Variants in CCT5 observed in about 807,000 individuals in gnomAD.
CCT5 encodes the protein T-complex protein 1 subunit epsilon.
CCT5 carries 6 observed loss-of-function variants against 55.0 expected under a neutral mutation model. The ratio of observed to expected loss-of-function variants is 0.11; its 90% CI spans 0.06 to 0.22. The LOEUF (loss-of-function observed/expected upper bound fraction) is 0.22. Among genes scored for constraint, CCT5 ranks in the 10% least tolerant of loss-of-function variants. The probability of loss-of-function intolerance (pLI) is 1.00; values close to 1 mark genes in which losing one functional copy is unlikely to be tolerated. For missense variants in CCT5, 560 were observed against 694.6 expected (o/e 0.81, Z 2.18); for synonymous variants, 231 against 243.7 (o/e 0.95, Z 0.49).
rs369443376 is a variant in CCT5, at chr5:10,264,516, T to C, written c.1499-140T>C. ...CATTCATCTGAAAATGAAATATAACTGAAATTAGTGGCTTCCTGCTTGGCT... is the reference window on the plus strand; with the variant it reads ...CATTCATCTGAAAATGAAATATAACCGAAATTAGTGGCTTCCTGCTTGGCT... On this transcript the variant is annotated intron_variant, in intron 10 of 10. Transcript: ENST00000280326. The C allele has an allele frequency of 3.3e-4, 230 of 700,220 alleles. 2 individuals carry two copies. The South Asian group carries it at 3.5e-3, about 11-fold the overall frequency. The allele number at this position is 700,220 out of a possible 1,614,324, so 43.4% of individuals were successfully genotyped here.
chr5:10,254,098 T>C (rs2126498535), intron 1 of CCT5, 47 bp from the exon 2 acceptor site: 6 of 1,283,968 alleles, frequency 4.7e-6, no homozygotes, highest in Non-Finnish European at 6.8e-6. Flanking sequence ...CTTTTAACCA[T>C]TGAAATTATA....
At chr5:10,250,794 C>T (rs1488995997) in intron 1 of CCT5, 1 of 1,165,348 alleles carries the variant, frequency 8.6e-7, no homozygotes, top group African/African-American at 1.6e-5. Context: ...TGGGAGGGCG[C>T]CGGGGAGATG....
intron 9 of CCT5, 114 bp from the exon 10 acceptor site, chr5:10,263,007 GACAGCCTGTTCTT>G: frequency 1.3e-6 from 1 of 788,490 alleles, no homozygotes; most frequent in Non-Finnish European, 2.2e-6. Context: ...CAAAAATAAA[GACAGCCTGTTCTT>G]ACAATTCTTT....
intron 1 of CCT5, among the ~76,000 whole-genome samples, chr5:10,253,452 A>G (rs188874677): frequency 9.3e-4 from 141 of 152,182 alleles, no homozygotes; most frequent in Non-Finnish European, 1.6e-3. Context: ...GGGTCTCGCC[A>G]TGTTTCCCAG....
In CCT5 at chr5:10,263,339, T is replaced by TGG. The variant is rs141955965; in HGVS notation, c.1498+26_1498+27dup. 7 of 420,284 alleles carry TGG rather than the reference T, an allele frequency of 1.7e-5. No individual in the cohort carries two copies. In the African/African-American group the frequency reaches 2.2e-4, roughly 13 times the overall value. 26.0% of individuals were successfully genotyped at this position (420,284 alleles called of 1,614,324 possible). A position where few individuals can be genotyped will look rare whatever the true frequency, so the allele number is the denominator to read the frequency against. The stretch of plus-strand genomic sequence containing the variant: ...GGTGAGGAGCTGTCACGCCTCTGCG[T>TGG]GGAGGGGGGGGGATGTCTGATTTAA... On this transcript the variant is annotated intron_variant, in intron 10 of 10. Transcript: ENST00000280326.
intron 7 of CCT5, chr5:10,261,186 A>G (rs1745941576): frequency 3.9e-6 from 2 of 511,316 alleles, no homozygotes; most frequent in South Asian, 2.0e-5. Context: ...ACCTGGTCTC[A>G]TCCAAATACT....
intron 7 of CCT5, 133 bp from the exon 8 acceptor site, chr5:10,261,427 T>C (rs1175890551): frequency 1.3e-5 from 11 of 815,880 alleles, no homozygotes; most frequent in Admixed American, 9.5e-5. Flanking sequence ...ACTGGAGATG[T>C]CTCGGTCAAA....
At chr5:10,264,045 G>A (rs1400341653) in intron 10 of CCT5, among the ~76,000 whole-genome samples, 5 of 152,182 alleles carry the variant, frequency 3.3e-5, no homozygotes, top group African/African-American at 4.8e-5. Flanking sequence ...GGCCAAGCCG[G>A]GTGGATCACC....
chr5:10,252,824 G>C (rs963958338), intron 1 of CCT5, among the ~76,000 whole-genome samples: 1 of 152,006 alleles, frequency 6.6e-6, no homozygotes, highest in African/African-American at 2.4e-5. Context: ...TTTTTTCCAC[G>C]TTGCCGAGCA....
chr5:10,261,811 G>C, intron 8 of CCT5, 66 bp downstream of exon 8: 1 of 1,293,932 alleles, frequency 7.7e-7, no homozygotes. Context: ...TTTTTTGCCT[G>C]TGTGTATTTA....
In CCT5 at chr5:10,255,992, G is replaced by A; in HGVS notation, c.369G>A (p.Leu123=). The stretch of plus-strand genomic sequence containing the variant: ...CCTTGTTAGAAGAAGCGGAGCAATT[G>A]CTAGACCGAGGCATTCACCCAATCA... ...AGALLEEAEQ[L]LDRGIHPIRI... is the part of the protein sequence containing the mutation. Residue 123 remains leucine (L), a synonymous_variant, in exon 4 of 11, where the codon TTG becomes TTA. Transcript: ENST00000280326. 6.2e-7 allele frequency: 1 copy of A among 1,614,210 alleles called. No individual in the cohort carries two copies. The highest frequency in any genetic ancestry group is 8.5e-7 in the Non-Finnish European group (1 of 1,180,024).
rs1423621557 is a variant in CCT5 at position 10,250,405 on chromosome 5, A to G, written c.65A>G (p.Gln22Arg). ...CGCCCTTTCCTCATCATCAAGGATCAGGACCGCAAGTCCCGTCTTATGGGA... is the reference window on the plus strand; with the variant it reads ...CGCCCTTTCCTCATCATCAAGGATCGGGACCGCAAGTCCCGTCTTATGGGA... The part of the protein sequence containing the change: ...YGRPFLIIKD[Q>R]DRKSRLMGLE... The change falls in exon 1 of 11, where the codon CAG becomes CGG. Residue 22 changes from glutamine to arginine, a missense_variant. Gln to Arg is a conservative substitution (Grantham distance 43). This residue lies in a region of CCT5 where 137 missense variants were observed against 181.9 expected (regional missense o/e 0.75). Transcript: ENST00000280326. 3 of 1,614,056 alleles carry G rather than the reference A, an allele frequency of 1.9e-6. No homozygotes were observed. Among genetic ancestry groups the G allele is most frequent in the Non-Finnish European group, 2.5e-6 (3 of 1,180,032 alleles).
At chr5:10,254,454 C>G in intron 2 of CCT5, 1 of 559,268 alleles carries the variant, frequency 1.8e-6, no homozygotes, top group Non-Finnish European at 3.1e-6. Flanking sequence ...TCATAGTTGT[C>G]TTTTGAGATT....
At chr5:10,255,135 T>G in intron 3 of CCT5, 1 of 410,968 alleles carries the variant, frequency 2.4e-6, no homozygotes, top group African/African-American at 2.0e-5. Context: ...AATTTGATTT[T>G]GGATCATGTA....
intron 1 of CCT5, among the ~76,000 whole-genome samples, chr5:10,253,129 C>T (rs1331687988): frequency 6.6e-6 from 1 of 151,970 alleles, no homozygotes; most frequent in African/African-American, 2.4e-5. Flanking sequence ...AGTTAAAGAC[C>T]AGCCTGGCCA....
chr5:10,261,638 C>A lies in CCT5; in HGVS notation c.1072C>A (p.Leu358Ile). The A allele has an allele frequency of 6.2e-7, 1 of 1,614,112 alleles. No individual in the cohort carries two copies. Among genetic ancestry groups the A allele is most frequent in the Non-Finnish European group, 8.5e-7 (1 of 1,180,012 alleles). Residue 358 changes from leucine to isoleucine, a missense_variant, in exon 8 of 11, where the codon CTT becomes ATT. Coordinates refer to ENST00000280326, the MANE Select transcript of CCT5 (RefSeq NM_012073.5). ...AGCCGAGAAGCTGGGCTTTGCTGGTCTTGTACAGGAGATCTCATTTGGGAC... is the reference window on the plus strand; with the variant it reads ...AGCCGAGAAGCTGGGCTTTGCTGGTATTGTACAGGAGATCTCATTTGGGAC... Reference protein sequence around the residue: ...LTAEKLGFAGLVQEISFGTTK... With the variant: ...LTAEKLGFAGIVQEISFGTTK...
At chr5:10,253,765 G>A (rs1338073346) in intron 1 of CCT5, among the ~76,000 whole-genome samples, 1 of 152,172 alleles carries the variant, frequency 6.6e-6, no homozygotes, top group Non-Finnish European at 1.5e-5. Context: ...AGGGAGAACT[G>A]TGGCTCCTGG....
chr5:10,265,299 T>G lies in CCT5; in HGVS notation c.*516T>G, dbSNP rs1383562417. 2.3e-5 allele frequency: 4 copies of G among 171,466 alleles called. No homozygotes were observed. Among genetic ancestry groups the G allele is most frequent in the Non-Finnish European group, 5.0e-5 (4 of 79,584 alleles). The allele number at this position is 171,466 out of a possible 1,614,324, so 10.6% of individuals were successfully genotyped here. A position where few individuals can be genotyped will look rare whatever the true frequency, so the allele number is the denominator to read the frequency against. On this transcript the variant is annotated 3_prime_UTR_variant, in exon 11 of 11. Transcript: ENST00000280326. ...GTTGCTCACAGCCTAACCTGGCGTGTTGTTTAGGGCTGATGGAGACCCATG... is the reference window on the plus strand; with the variant it reads ...GTTGCTCACAGCCTAACCTGGCGTGGTGTTTAGGGCTGATGGAGACCCATG...
intron 8 of CCT5, chr5:10,262,278 A>C: frequency 3.3e-6 from 2 of 609,684 alleles, no homozygotes; most frequent in Non-Finnish European, 5.9e-6. Context: ...TGTATCCTAG[A>C]ATGAGTCACT....
Sources: allele counts gnomAD v4.1 joint callset (sites outside exome capture counted in the v4.1 genomes callset), GRCh38; gene constraint gnomAD v4.1.1; regional missense constraint gnomAD v4.1.1; transcripts MANE v1.5; gene names NCBI Gene and HGNC (gene_info 2026-07-23, HGNC 2026-07-21).